Variants in SAMSN1 observed in about 807,000 individuals in gnomAD.
The protein encoded by SAMSN1 is SAM domain-containing protein SAMSN-1.
Under a neutral mutation model 42.0 loss-of-function variants are expected in SAMSN1, and 31 were observed. The ratio of observed to expected loss-of-function variants is 0.74; its 90% CI spans 0.55 to 1.00. The LOEUF is 1.00. Among genes scored for constraint, SAMSN1 ranks in the 50% least tolerant of loss-of-function variants. SAMSN1 has a pLI of 0.00. For missense variants in SAMSN1, 464 were observed against 439.4 expected (o/e 1.06, Z -0.50); for synonymous variants, 178 against 151.9 (o/e 1.17, Z -1.26).
At chr21:14,495,611 A>T (rs1986885741) in intron 7 of SAMSN1, 1 of 151,988 alleles carries the variant, frequency 6.6e-6, no homozygotes, top group East Asian at 1.9e-4. Flanking sequence ...ACTGGCTGTC[A>T]TTAAGTAATC....
chr21:14,600,400 TA>T (rs1470919711), intron 6 of SAMSN1, among the ~76,000 whole-genome samples: 4 of 152,200 alleles, frequency 2.6e-5, no homozygotes, highest in African/African-American at 9.6e-5. Context: ...AAAATTTAGA[TA>T]AGACCAGTGC....
upstream of SAMSN1, among the ~76,000 whole-genome samples, chr21:14,548,105 T>C (rs1275211222): frequency 4.6e-5 from 7 of 152,174 alleles, no homozygotes; most frequent in African/African-American, 1.4e-4. Context: ...TTGAAAGTCA[T>C]AAAAATACGT....
Position 14,498,485 on chromosome 21 carries a change from T to G in SAMSN1, c.876A>C (p.Arg292Ser). The G allele has an allele frequency of 7.4e-6, 12 of 1,611,762 alleles. No homozygotes were observed. Among genetic ancestry groups the G allele is most frequent in the Non-Finnish European group, 1.0e-5 (12 of 1,179,308 alleles). The change falls in exon 7 of 8, where the codon AGA becomes AGC. Residue 292 changes from arginine to serine, a missense_variant. Physicochemically the swap from Arg to Ser is moderately radical, Grantham distance 110. Transcript: ENST00000400566. ...TTTCAGCAGCTGATAGTAACCTTCT[T>G]CTGTCATCTGGGTTTTCAATATTTA... ...IELNIENPDD[R>S]RRLLSAAENF...
chr21:14,500,552 A>C lies in SAMSN1; in HGVS notation c.745T>G (p.Phe249Val), dbSNP rs374606694. ...ACCTGCAGATGAATCCTCTCTAGGA[A>C]CTCCTGCAGAGTCTTGGATTTTTTG... The part of the protein sequence containing the change: ...NSKKSKTLQE[F>V]LERIHLQEYT... Residue 249 changes from phenylalanine (F) to valine (V), a missense_variant, in exon 6 of 8, where the codon TTC becomes GTC. By Grantham distance (50) the Phe-to-Val change is conservative. Transcript: ENST00000400566. The C allele has an allele frequency of 6.2e-7, 1 of 1,613,610 alleles. No individual in the cohort carries two copies. The highest frequency in any genetic ancestry group is 1.3e-5 in the African/African-American group (1 of 74,798).
rs187682644 is a variant in SAMSN1 at position 14,575,386 on chromosome 21, T to C, written c.261+6750A>G. Among the ~76,000 whole-genome samples, 24 of 152,304 alleles carry C rather than the reference T, an allele frequency of 1.6e-4. No individual in the cohort carries two copies. The East Asian group carries it at 4.0e-3, about 26-fold the overall frequency. On this transcript the variant is annotated intron_variant, in intron 2 of 8. Coordinates refer to the SAMSN1 transcript ENST00000285670. ...ATTTTAGCACAGACTGTAGTGAGTATAGATATGTTTTGGCATTTTTGCATC... is the reference window on the plus strand; with the variant it reads ...ATTTTAGCACAGACTGTAGTGAGTACAGATATGTTTTGGCATTTTTGCATC...
chr21:14,582,135 C>A lies in SAMSN1; in HGVS notation c.261+1G>T. The A allele has an allele frequency of 3.2e-6, 5 of 1,540,294 alleles. No individual in the cohort carries two copies. The highest frequency in any genetic ancestry group is 4.4e-6 in the Non-Finnish European group (5 of 1,140,716). The stretch of plus-strand genomic sequence containing the variant: ...CACATTTCCGTAGTCTGCAAACTTA[C>A]CCATGAATGTAGGAGATCCATATCT... On this transcript the variant is annotated splice_donor_variant, in intron 2 of 8. Transcript: ENST00000285670. LOFTEE classifies it high-confidence loss of function.
chr21:14,506,684 A>G (rs541808473), intron 5 of SAMSN1, among the ~76,000 whole-genome samples: 1 of 152,150 alleles, frequency 6.6e-6, no homozygotes. Flanking sequence ...CCCTCCCTAC[A>G]TCATTCTATG....
chr21:14,579,853 T>C (rs1024733069), intron 2 of SAMSN1, among the ~76,000 whole-genome samples: 3 of 152,156 alleles, frequency 2.0e-5, no homozygotes, highest in Admixed American at 2.0e-4. Flanking sequence ...AAGTTATTCA[T>C]AGGAAGTATA....
Position 14,500,678 on chromosome 21 carries a change from A to G in SAMSN1, c.619T>C (p.Leu207=). 8.7e-6 allele frequency: 14 copies of G among 1,614,162 alleles called. No homozygotes were observed. The highest frequency in any genetic ancestry group is 1.1e-5 in the Non-Finnish European group (13 of 1,179,996). The change falls in exon 6 of 8, where the codon TTG becomes CTG. Residue 207 remains leucine (L), a synonymous_variant. Coordinates refer to ENST00000400566, the MANE Select transcript of SAMSN1 (RefSeq NM_022136.5). ...KTPMGMWTGM[L]NNKVGNFKFI... The stretch of plus-strand genomic sequence containing the variant: ...TTGAAGTTTCCCACTTTATTGTTCA[A>G]CATTCCTGTCCACATCCCCATTGGT...
intron 1 of SAMSN1, among the ~76,000 whole-genome samples, chr21:14,643,720 G>A (rs565659055): frequency 6.6e-6 from 1 of 152,288 alleles, no homozygotes; most frequent in South Asian, 2.1e-4. Flanking sequence ...AAATTCAGGT[G>A]AGCACTCATA....
At chr21:14,638,002 G>A (rs1412367673) in intron 2 of SAMSN1, among the ~76,000 whole-genome samples, 1 of 152,126 alleles carries the variant, frequency 6.6e-6, no homozygotes, top group Non-Finnish European at 1.5e-5. Flanking sequence ...CCTGGGAGGG[G>A]AGAGTGGTGG....
In SAMSN1 at chr21:14,655,383, T is replaced by A. The variant is rs188305264; in HGVS notation, c.24+3365A>T. ...AAAAGAAAATGATGGAATATTCCTATTAATGCAAGAAAACAACAGATCAAT... is the reference window on the plus strand; with the variant it reads ...AAAAGAAAATGATGGAATATTCCTAATAATGCAAGAAAACAACAGATCAAT... On this transcript the variant is annotated intron_variant, in intron 1 of 15. Coordinates refer to the SAMSN1 transcript ENST00000647101. Among the ~76,000 whole-genome samples, 208 of 151,904 alleles carry A rather than the reference T, an allele frequency of 1.4e-3. 2 individuals are homozygous for A. The highest frequency in any genetic ancestry group is 1.9e-3 in the Admixed American group (29 of 15,222).
intron 1 of SAMSN1, chr21:14,582,560 T>G (rs1334632114): frequency 3.3e-6 from 2 of 615,002 alleles, no homozygotes; most frequent in African/African-American, 3.7e-5. Flanking sequence ...CTTCCATTTA[T>G]ATAAGAGAAA....
chr21:14,489,547 C>T (rs950192003), intron 7 of SAMSN1, among the ~76,000 whole-genome samples: 3 of 152,006 alleles, frequency 2.0e-5, no homozygotes, highest in South Asian at 2.1e-4. Context: ...AAAGGACATA[C>T]GTATCTAAAT....
chr21:14,518,937 A>G (rs1988036150), intron 2 of SAMSN1, among the ~76,000 whole-genome samples: 1 of 152,192 alleles, frequency 6.6e-6, no homozygotes, highest in Non-Finnish European at 1.5e-5. Flanking sequence ...AATGTTAATT[A>G]CTACTTGTGT....
chr21:14,554,730 C>T (rs940163634), intron 2 of SAMSN1, among the ~76,000 whole-genome samples: 1 of 138,668 alleles, frequency 7.2e-6, no homozygotes, highest in Non-Finnish European at 1.5e-5. Context: ...ACAAAGTCTT[C>T]CTCTGCCACC....
intron 2 of SAMSN1, among the ~76,000 whole-genome samples, chr21:14,519,453 C>G (rs1311611672): frequency 6.6e-6 from 1 of 151,770 alleles, no homozygotes; most frequent in Admixed American, 6.6e-5. Context: ...ATACAAAATG[C>G]CAACTGAAAA....
intron 6 of SAMSN1, among the ~76,000 whole-genome samples, chr21:14,596,102 C>T (rs1982253877): frequency 6.6e-6 from 1 of 152,108 alleles, no homozygotes; most frequent in Non-Finnish European, 1.5e-5. Flanking sequence ...CTTAAACTCT[C>T]TTCTTTAAAC....
chr21:14,536,335 A>G (rs1471149578), intron 1 of SAMSN1, among the ~76,000 whole-genome samples: 1 of 152,206 alleles, frequency 6.6e-6, no homozygotes, highest in African/African-American at 2.4e-5. Flanking sequence ...ATTGATTTTT[A>G]ACAAATCCAG....
Sources: gnomAD v4.1 joint callset for allele counts (sites outside exome capture counted in the v4.1 genomes callset) on GRCh38, gnomAD v4.1.1 for gene constraint, MANE v1.5 for transcripts, NCBI Gene and HGNC (gene_info 2026-07-23, HGNC 2026-07-21) for gene names.